The following SCLT1 variants were observed in gnomAD, a reference collection of about 807,000 sequenced individuals.
SCLT1 encodes the protein sodium channel and clathrin linker 1.
Under a neutral mutation model 112.8 loss-of-function variants are expected in SCLT1, and 78 were observed. That is an observed-to-expected ratio of 0.69 (90% confidence interval 0.58 to 0.83). The LOEUF is 0.83. SCLT1 is among the 40% of genes least tolerant of loss of function. The probability of loss-of-function intolerance (pLI) is 0.00; values close to 1 mark genes in which losing one functional copy is unlikely to be tolerated. For missense variants in SCLT1, 747 were observed against 770.4 expected (o/e 0.97, Z 0.36); for synonymous variants, 257 against 254.7 (o/e 1.01, Z -0.09).
intron 18 of SCLT1, among the ~76,000 whole-genome samples, chr4:128,908,744 G>C (rs922618727): frequency 6.6e-6 from 1 of 152,162 alleles, no homozygotes; most frequent in African/African-American, 2.4e-5. Context: ...CTCACCAATG[G>C]AGGTAAAAGT....
At chr4:129,054,305 G>T (rs1749140094) in intron 2 of SCLT1, among the ~76,000 whole-genome samples, 1 of 152,124 alleles carries the variant, frequency 6.6e-6, no homozygotes, top group Non-Finnish European at 1.5e-5. Flanking sequence ...TGCCTTGCTA[G>T]GTTGGAGAAG....
chr4:129,059,281 G>T (rs926078877), intron 2 of SCLT1, among the ~76,000 whole-genome samples: 2 of 152,034 alleles, frequency 1.3e-5, no homozygotes, highest in African/African-American at 4.8e-5. Context: ...TTAGATTCAT[G>T]GTTATTATTG....
intron 5 of SCLT1, among the ~76,000 whole-genome samples, chr4:129,023,631 G>GCAT (rs1745700669): frequency 6.6e-6 from 1 of 152,314 alleles, no homozygotes; most frequent in East Asian, 1.9e-4. Flanking sequence ...GGTGATTTCT[G>GCAT]CATTTCCATC....
intron 9 of SCLT1, among the ~76,000 whole-genome samples, chr4:128,988,328 A>G (rs1446308671): frequency 6.6e-6 from 1 of 152,082 alleles, no homozygotes; most frequent in East Asian, 1.9e-4. Context: ...GAGACAACAA[A>G]TCAAAAAGCA....
chr4:128,911,116 A>G (rs562401214), intron 18 of SCLT1, among the ~76,000 whole-genome samples: 19 of 152,256 alleles, frequency 1.2e-4, no homozygotes, highest in African/African-American at 4.1e-4. Context: ...ATACAAAAAA[A>G]TTAGCTGGGT....
intron 2 of SCLT1, among the ~76,000 whole-genome samples, chr4:129,055,340 CCATCAGG>C (rs972278844): frequency 6.6e-6 from 1 of 152,214 alleles, no homozygotes; most frequent in Non-Finnish European, 1.5e-5. Flanking sequence ...CTCTTCAGAG[CCATCAGG>C]CAAGATCGTT....
intron 18 of SCLT1, among the ~76,000 whole-genome samples, chr4:128,920,915 T>C (rs1289053505): frequency 6.6e-6 from 1 of 152,154 alleles, no homozygotes; most frequent in Non-Finnish European, 1.5e-5. Context: ...AGAAAACCAA[T>C]TAGTCTCTGC....
intron 9 of SCLT1, among the ~76,000 whole-genome samples, chr4:128,982,910 C>A (rs751852579): frequency 6.6e-6 from 1 of 151,508 alleles, no homozygotes; most frequent in African/African-American, 2.4e-5. Context: ...TTGTTTGAGA[C>A]GGATTTTCAC....
chr4:128,996,269 T>G (rs1743011558), intron 8 of SCLT1, among the ~76,000 whole-genome samples: 1 of 152,080 alleles, frequency 6.6e-6, no homozygotes, highest in South Asian at 2.1e-4. Context: ...GTCCATGAAT[T>G]GTTGCTGAAT....
chr4:129,029,082 C>A (rs567738216), intron 5 of SCLT1, among the ~76,000 whole-genome samples: 1 of 152,044 alleles, frequency 6.6e-6, no homozygotes, highest in African/African-American at 2.4e-5. Context: ...GTTGGTGGGA[C>A]TGTAAAGTAG....
At chr4:128,888,597 T>G in intron 20 of SCLT1, 82 bp downstream of exon 20, 7 of 714,880 alleles carry the variant, frequency 9.8e-6, no homozygotes, top group South Asian at 2.0e-5. Flanking sequence ...CTAGTAAAAA[T>G]AAACTATTAA....
chr4:129,061,585 T>C (rs1749980124), intron 2 of SCLT1, among the ~76,000 whole-genome samples: 1 of 152,046 alleles, frequency 6.6e-6, no homozygotes, highest in African/African-American at 2.4e-5. Flanking sequence ...ATTGAGGAGA[T>C]GTGATTGCTC....
At chr4:128,887,036 G>A (rs1732944641) in intron 20 of SCLT1, among the ~76,000 whole-genome samples, 2 of 152,002 alleles carry the variant, frequency 1.3e-5, no homozygotes, top group South Asian at 4.1e-4. Context: ...TAATTCTTTT[G>A]ATCCTTTAAT....
intron 5 of SCLT1, among the ~76,000 whole-genome samples, chr4:129,022,520 A>G (rs1745582462): frequency 6.6e-6 from 1 of 152,200 alleles, no homozygotes; most frequent in African/African-American, 2.4e-5. Flanking sequence ...CAATAGCCAA[A>G]TCGATCAAAT....
chr4:128,913,451 A>C (rs1735247010), intron 18 of SCLT1, among the ~76,000 whole-genome samples: 1 of 152,224 alleles, frequency 6.6e-6, no homozygotes, highest in Non-Finnish European at 1.5e-5. Context: ...ATTTGAGGAC[A>C]GAATAAAGGG....
At chr4:128,922,459 A>G (rs1203567325) in intron 18 of SCLT1, among the ~76,000 whole-genome samples, 1 of 152,206 alleles carries the variant, frequency 6.6e-6, no homozygotes, top group Admixed American at 6.5e-5. Context: ...CCCAAGGAAT[A>G]CAAAGCAGCC....
intron 5 of SCLT1, among the ~76,000 whole-genome samples, chr4:129,026,172 A>G (rs1033995188): frequency 6.6e-6 from 1 of 152,100 alleles, no homozygotes. Flanking sequence ...ATATCCAGGA[A>G]TTGAACTCAG....
In SCLT1 at chr4:128,936,843, T is replaced by G. The variant is rs762543364; in HGVS notation, c.1641A>C (p.Thr547=). 1 of 1,525,518 alleles carries G rather than the reference T, an allele frequency of 6.6e-7. No homozygotes were observed. Among genetic ancestry groups the G allele is most frequent in the Non-Finnish European group, 9.0e-7 (1 of 1,115,258 alleles). 94.5% of individuals were successfully genotyped at this position (1,525,518 alleles called of 1,614,324 possible). Residue 547 remains threonine (T), a synonymous_variant, in exon 18 of 21, where the codon ACA becomes ACC. Transcript: ENST00000281142. The part of the protein sequence containing the change: ...AQKKAKVKIS[T]MEHEFSIKER... ...CCTTTATTGAAAATTCATGTTCCATTGTACTGATCTAAAGAATAAAATGAA... is the reference window on the plus strand; with the variant it reads ...CCTTTATTGAAAATTCATGTTCCATGGTACTGATCTAAAGAATAAAATGAA...
At chr4:128,936,014 A>G (rs1227776154) in intron 18 of SCLT1, among the ~76,000 whole-genome samples, 1 of 152,098 alleles carries the variant, frequency 6.6e-6, no homozygotes, top group Non-Finnish European at 1.5e-5. Flanking sequence ...ATTATCTCCA[A>G]CCCTTTATAA....
Sources: gnomAD v4.1 joint callset for allele counts (sites outside exome capture counted in the v4.1 genomes callset) on GRCh38, gnomAD v4.1.1 for gene constraint, MANE v1.5 for transcripts, NCBI Gene and HGNC (gene_info 2026-07-23, HGNC 2026-07-21) for gene names.